The following GALNT16 variants were observed in gnomAD, a reference collection of about 807,000 sequenced individuals.
The protein encoded by GALNT16 is UDP-GalNAc:polypeptide N-acetylgalactosaminyltransferase-like protein 1.
Under a neutral mutation model 76.1 loss-of-function variants are expected in GALNT16, and 40 were observed. That is an observed-to-expected ratio of 0.53 (90% CI 0.41 to 0.68). GALNT16 has a LOEUF of 0.68. Ranked by LOEUF, GALNT16 falls within the 30% of genes least tolerant of loss-of-function variation. GALNT16 has a pLI of 0.00. For synonymous variants in GALNT16, 276 were observed against 285.2 expected, an observed-to-expected ratio of 0.97 and a Z score of 0.32; for missense variants, 621 against 731.9, an observed-to-expected ratio of 0.85 and a Z score of 1.75.
intron 14 of GALNT16, chr14:69,350,810 G>T (rs912672878): frequency 2.0e-5 from 3 of 152,350 alleles, no homozygotes; most frequent in Non-Finnish European, 4.4e-5. Context: ...GAAGATGGAA[G>T]AGGGGAGGTG....
the GALNT16 span, among the ~76,000 whole-genome samples, chr14:69,373,085 C>A: frequency 6.6e-6 from 1 of 152,090 alleles, no homozygotes; most frequent in Non-Finnish European, 1.5e-5. Context: ...GGGCAAGGAC[C>A]CAGAACTGTG....
the GALNT16 span, among the ~76,000 whole-genome samples, chr14:69,375,051 A>T: frequency 6.6e-6 from 1 of 152,176 alleles, no homozygotes; most frequent in Non-Finnish European, 1.5e-5. Context: ...CCAACACATA[A>T]ACTTTGGGAG....
intron 1 of GALNT16, among the ~76,000 whole-genome samples, chr14:69,291,470 C>A (rs1040376587): frequency 6.6e-6 from 1 of 152,170 alleles, no homozygotes; most frequent in Non-Finnish European, 1.5e-5. Context: ...GCTGACTTGA[C>A]AAGGACACAA....
At chr14:69,332,395 C>T (rs914099899) in intron 7 of GALNT16, 1 of 152,466 alleles carries the variant, frequency 6.6e-6, no homozygotes, top group Admixed American at 6.5e-5. Flanking sequence ...AGTTCCTTAA[C>T]TGTACTAGCC....
At chr14:69,303,711 G>A (rs2044887292) in intron 1 of GALNT16, among the ~76,000 whole-genome samples, 1 of 152,088 alleles carries the variant, frequency 6.6e-6, no homozygotes, top group Admixed American at 6.6e-5. Context: ...GTCAAGGTCC[G>A]TAATTTTTAC....
chr14:69,361,276 T>G (rs528986570), downstream of GALNT16, among the ~76,000 whole-genome samples: 5 of 152,308 alleles, frequency 3.3e-5, no homozygotes, highest in African/African-American at 1.2e-4. Context: ...GACCAAACAC[T>G]GAGACACACA....
At chr14:69,376,270 ATT>A in the GALNT16 span, among the ~76,000 whole-genome samples, 2 of 152,174 alleles carry the variant, frequency 1.3e-5, no homozygotes, top group African/African-American at 2.4e-5. Flanking sequence ...CACTGGTCTT[ATT>A]ACAAATTTTA....
Position 69,352,184 on chromosome 14 carries a change from C to T in GALNT16, c.*16C>T, listed in dbSNP as rs768644719. On this transcript the variant is annotated 3_prime_UTR_variant, in exon 15 of 15. Transcript: ENST00000448469. The stretch of plus-strand genomic sequence containing the variant: ...ACACACATGACGGTAGCCCTGGGGC[C>T]TCCTGTACCTTTTGCATGAGACTTC... 2.1e-5 allele frequency: 34 copies of T among 1,582,952 alleles called. No individual in the cohort carries two copies. The Middle Eastern group carries it at 5.1e-4, about 24-fold the overall frequency.
chr14:69,372,008 G>A, the GALNT16 span, among the ~76,000 whole-genome samples: 306 of 152,182 alleles, frequency 2.0e-3, no homozygotes, highest in African/African-American at 6.5e-3. Flanking sequence ...ACACTTACCC[G>A]AGGATTAAGT....
chr14:69,349,537 GTCC>G (rs2045607550), intron 14 of GALNT16: 1 of 152,232 alleles, frequency 6.6e-6, no homozygotes, highest in African/African-American at 2.4e-5. Flanking sequence ...AATCCGGGCC[GTCC>G]TTCTTGGTCC....
rs567737278 is a variant in GALNT16 at position 69,347,454 on chromosome 14, G to A, written c.1413+273G>A. 3.9e-5 allele frequency among the ~76,000 whole-genome samples: 6 copies of A among 152,268 alleles called. No homozygotes were observed. In the South Asian group the frequency reaches 6.2e-4, roughly 16 times the overall value. ...TGTCTCCTGAGATCCAGCTGGGGTC[G>A]GCTCATGTGACAGGCAATGTCCAAG... On this transcript the variant is annotated intron_variant, in intron 13 of 14. Coordinates refer to ENST00000448469, the MANE Select transcript of GALNT16 (RefSeq NM_001168368.2).
rs959387695 is a variant in GALNT16 at position 69,263,531 on chromosome 14, T to A, written c.177+3064T>A. Reference sequence around the variant, plus strand: ...AGAGGCTGGCAAATTCAGACAGGCGTCATCATTGCTCCCTTGGGGAATCAG... The same window carrying A: ...AGAGGCTGGCAAATTCAGACAGGCGACATCATTGCTCCCTTGGGGAATCAG... On this transcript the variant is annotated intron_variant, in intron 1 of 14. Transcript: ENST00000448469. Among the ~76,000 whole-genome samples, 7 of 152,338 alleles carry A rather than the reference T, an allele frequency of 4.6e-5. No homozygotes were observed. The East Asian group carries it at 1.3e-3, about 29-fold the overall frequency.
At chr14:69,262,484 CCA>C (rs1467256859) in intron 1 of GALNT16, among the ~76,000 whole-genome samples, 4 of 152,140 alleles carry the variant, frequency 2.6e-5, no homozygotes, top group Admixed American at 1.3e-4. Context: ...CTGCTTATTC[CCA>C]CAGGGTTTGA....
the GALNT16 span, chr14:69,380,490 C>A: frequency 2.8e-6 from 3 of 1,059,728 alleles, no homozygotes; most frequent in Non-Finnish European, 4.4e-6. Flanking sequence ...ACGCTGTACA[C>A]ACCTGTGTTC....
chr14:69,314,924 G>C (rs2045079468), intron 1 of GALNT16, among the ~76,000 whole-genome samples: 1 of 152,162 alleles, frequency 6.6e-6, no homozygotes, highest in Non-Finnish European at 1.5e-5. Flanking sequence ...GCAGGTACCT[G>C]TTTTACTGGC....
rs1283511439 is a variant in GALNT16, at chr14:69,260,442, G to T, written c.152G>T (p.Arg51Leu). ...QRAGRRSEQL[R>L]EDRTIPLIVT... is the part of the protein sequence containing the mutation. Reference sequence around the variant, plus strand: ...GCAGGCAGGAGGTCGGAGCAGCTCCGCGAGGACCGCACCATCCCGCTCATT... The same window carrying T: ...GCAGGCAGGAGGTCGGAGCAGCTCCTCGAGGACCGCACCATCCCGCTCATT... The change falls in exon 1 of 15, where the codon CGC (arginine) becomes CTC (leucine). Residue 51 changes from arginine to leucine, a missense_variant. Transcript: ENST00000448469. The T allele has an allele frequency of 6.4e-7, 1 of 1,569,744 alleles. No homozygotes were observed. The highest frequency in any genetic ancestry group is 8.6e-7 in the Non-Finnish European group (1 of 1,157,122).
chr14:69,272,360 C>CATAAATAA (rs1266215970), intron 1 of GALNT16, among the ~76,000 whole-genome samples: 6 of 152,002 alleles, frequency 3.9e-5, no homozygotes, highest in African/African-American at 7.2e-5. Context: ...AAGACTCTGT[C>CATAAATAA]ATAAATAAAT....
In GALNT16 at chr14:69,263,807, T is replaced by A. The variant is rs141096006; in HGVS notation, c.177+3340T>A. On this transcript the variant is annotated intron_variant, in intron 1 of 14. Transcript: ENST00000448469. ...TGATGTGAAAAATTTGGCTATGGAA[T>A]CTGTAAAGCTAAAGGGAGATACTGA... Among the ~76,000 whole-genome samples, 8 of 152,360 alleles carry A rather than the reference T, an allele frequency of 5.3e-5. No individual in the cohort carries two copies. In the East Asian group the frequency reaches 1.5e-3, roughly 29 times the overall value.
the GALNT16 span, chr14:69,380,688 C>CA: frequency 9.1e-7 from 1 of 1,104,164 alleles, no homozygotes; most frequent in Non-Finnish European, 1.4e-6. Context: ...CAATCACTGC[C>CA]AGGTGTTTAA....
Sources: allele counts gnomAD v4.1 joint callset (sites outside exome capture counted in the v4.1 genomes callset), GRCh38; gene constraint gnomAD v4.1.1; transcripts MANE v1.5; gene names NCBI Gene and HGNC (gene_info 2026-07-23, HGNC 2026-07-21).